The following P2RY2 variants were observed in gnomAD, a reference collection of about 807,000 sequenced individuals.
P2RY2 encodes purinergic receptor P2Y2, also known as P2Y purinoceptor 2.
For missense variants in P2RY2, 567 were observed against 515.7 expected (o/e 1.10, Z -0.96); for synonymous variants, 241 against 231.9 (o/e 1.04, Z -0.35).
chr11:73,223,666 G>A (rs994393347), intron 1 of P2RY2, among the ~76,000 whole-genome samples: 7 of 152,172 alleles, frequency 4.6e-5, no homozygotes, highest in Non-Finnish European at 8.8e-5. Context: ...CTGAACTCAC[G>A]GTTCTTGCCT....
At position 73,223,728 on chromosome 11, in the gene P2RY2, T is replaced by C. The variant is rs187285478; in HGVS notation, c.-199-4253T>C. The stretch of plus-strand genomic sequence containing the variant: ...ATAGGTTGGGGTGGTGTCCAGGACG[T>C]TGTGGTTCTGAGCCTGTTTAATTTA... On this transcript the variant is annotated intron_variant, in intron 1 of 2. Coordinates refer to ENST00000393597, the MANE Select transcript of P2RY2 (RefSeq NM_002564.4). Among the ~76,000 whole-genome samples the C allele has an allele frequency of 1.8e-3, 269 of 152,272 alleles. 2 individuals are homozygous for C. The highest frequency in any genetic ancestry group is 2.3e-3 in the Non-Finnish European group (156 of 68,016).
intron 2 of P2RY2, among the ~76,000 whole-genome samples, chr11:73,229,408 T>G (rs945099650): frequency 2.6e-5 from 4 of 151,710 alleles, no homozygotes; most frequent in African/African-American, 9.7e-5. Context: ...CGTTGGATAG[T>G]CAGGTGGAGC....
rs1204597963 is a variant in P2RY2 at position 73,228,128 on chromosome 11, C to G, written c.-52C>G. On this transcript the variant is annotated 5_prime_UTR_variant, in exon 2 of 3. Transcript: ENST00000393597. ...GGCGTGTGCATTCATGAGTGAGGAA[C>G]CCGTGCAGGCGCTGAGCATCCTGAC... The G allele has an allele frequency of 6.8e-6, 1 of 147,904 alleles. No homozygotes were observed. The highest frequency in any genetic ancestry group is 1.5e-5 in the Non-Finnish European group (1 of 67,546). 9.2% of individuals were successfully genotyped at this position (147,904 alleles called of 1,614,324 possible).
In P2RY2 at chr11:73,226,184, G is replaced by A. The variant is rs1036285396; in HGVS notation, c.-199-1797G>A. Among the ~76,000 whole-genome samples, 9 of 152,292 alleles carry A rather than the reference G, an allele frequency of 5.9e-5. No homozygotes were observed. The East Asian group carries it at 1.7e-3, about 29-fold the overall frequency. On this transcript the variant is annotated intron_variant, in intron 1 of 2. Transcript: ENST00000393597. ...GTGAGTGGTGGGCTTCCAGCAGGGT[G>A]GGGAAGAGGGAGGTTGTCCAGGCTG...
At position 73,239,390 on chromosome 11, in the gene P2RY2, G is replaced by T. The variant is rs1862726904; in HGVS notation, c.*4097G>T. ...GGGCCTGTGCTGTTTACAGAACCTT[G>T]TCCAGGTGCCCAGCTGTGGGAGGGC... On this transcript the variant is annotated 3_prime_UTR_variant, in exon 3 of 3. Coordinates refer to ENST00000393597, the MANE Select transcript of P2RY2 (RefSeq NM_002564.4). The T allele has an allele frequency of 6.6e-6, 1 of 152,390 alleles. No homozygotes were observed. Among genetic ancestry groups the T allele is most frequent in the Non-Finnish European group, 1.5e-5 (1 of 68,150 alleles). 9.4% of individuals were successfully genotyped at this position (152,390 alleles called of 1,614,324 possible).
chr11:73,223,514 C>A (rs1446332561), intron 1 of P2RY2, among the ~76,000 whole-genome samples: 1 of 152,184 alleles, frequency 6.6e-6, no homozygotes, highest in Non-Finnish European at 1.5e-5. Context: ...AAGGTGCACC[C>A]ACCTGCCCCC....
rs1862700738 is a variant in P2RY2, at chr11:73,238,243, G to T, written c.*2950G>T. Among the ~76,000 whole-genome samples, 1 of 152,230 alleles carries T rather than the reference G, an allele frequency of 6.6e-6. No individual in the cohort carries two copies. Among genetic ancestry groups the T allele is most frequent in the Non-Finnish European group, 1.5e-5 (1 of 68,042 alleles). On this transcript the variant is annotated 3_prime_UTR_variant, in exon 3 of 3. Coordinates refer to ENST00000393597, the MANE Select transcript of P2RY2 (RefSeq NM_002564.4). ...GACCTGAGGCCAGGGACAGGACAGGGATGGGAGGAAAGGGAGGGTAGAGAG... is the reference window on the plus strand; with the variant it reads ...GACCTGAGGCCAGGGACAGGACAGGTATGGGAGGAAAGGGAGGGTAGAGAG...
rs557801308 is a variant in P2RY2, at chr11:73,220,737, G to A, written c.-200+2305G>A. Among the ~76,000 whole-genome samples, 111 of 152,284 alleles carry A rather than the reference G, an allele frequency of 7.3e-4. 2 individuals carry two copies. The South Asian group carries it at 0.023, about 31-fold the overall frequency. ...TTGGAGTCTGGTCAGAGGGGTTGGG[G>A]ATCCCAGTGGGCAACCCTCAGAAAT... On this transcript the variant is annotated intron_variant, in intron 1 of 2. Coordinates refer to ENST00000393597, the MANE Select transcript of P2RY2 (RefSeq NM_002564.4).
Position 73,235,827 on chromosome 11 carries a change from A to G in P2RY2, c.*534A>G, listed in dbSNP as rs1490309718. 2.0e-6 allele frequency: 2 copies of G among 1,000,776 alleles called. No homozygotes were observed. The highest frequency in any genetic ancestry group is 2.3e-4 in the East Asian group (2 of 8,838). 62.0% of individuals were successfully genotyped at this position (1,000,776 alleles called of 1,614,324 possible). ...TAGCTCTGAGGAGTACCCCCAGCCC[A>G]AGAGATGAACATCTGGGGACTAATA... On this transcript the variant is annotated 3_prime_UTR_variant, in exon 3 of 3. Coordinates refer to ENST00000393597, the MANE Select transcript of P2RY2 (RefSeq NM_002564.4).
chr11:73,234,300 G>C lies in P2RY2; in HGVS notation c.141G>C (p.Gly47=). 1 of 1,613,792 alleles carries C rather than the reference G, an allele frequency of 6.2e-7. No individual in the cohort carries two copies. Among genetic ancestry groups the C allele is most frequent in the Non-Finnish European group, 8.5e-7 (1 of 1,179,772 alleles). ...CCTACGGCGTGGTGTGCGTGCCTGGGCTGTGTCTGAACGCCGTGGCGCTCT... is the reference window on the plus strand; with the variant it reads ...CCTACGGCGTGGTGTGCGTGCCTGGCCTGTGTCTGAACGCCGTGGCGCTCT... ...PVSYGVVCVP[G]LCLNAVALYI... Residue 47 remains glycine (G), a synonymous_variant, in exon 3 of 3, where the codon GGG becomes GGC. Coordinates refer to ENST00000393597, the MANE Select transcript of P2RY2 (RefSeq NM_002564.4).
rs529865094 is a variant in P2RY2, at chr11:73,236,423, G to C, written c.*1130G>C. On this transcript the variant is annotated 3_prime_UTR_variant, in exon 3 of 3. Transcript: ENST00000393597. ...CTCTAGCACACCACTGGATAATGCC[G>C]AGTGGCTGGGGCTGTGAGCCAGGGG... is the stretch of plus-strand genomic sequence containing the variant. 2.4e-5 allele frequency: 11 copies of C among 455,386 alleles called. No individual in the cohort carries two copies. The South Asian group carries it at 8.3e-4, about 35-fold the overall frequency. 28.2% of individuals were successfully genotyped at this position (455,386 alleles called of 1,614,324 possible).
Position 73,234,994 on chromosome 11 carries a change from C to T in P2RY2, c.835C>T (p.His279Tyr), listed in dbSNP as rs1389860140. ...CTTCCGCTCGCTGGACCTCAGCTGC[C>T]ACACCCTCAACGCCATCAACATGGC... The part of the protein sequence containing the change: ...YSFRSLDLSC[H>Y]TLNAINMAYK... The change falls in exon 3 of 3, where the codon CAC (histidine) becomes TAC (tyrosine). Residue 279 changes from histidine (H) to tyrosine (Y), a missense_variant. Transcript: ENST00000393597. The T allele has an allele frequency of 6.2e-7, 1 of 1,609,494 alleles. No homozygotes were observed. The highest frequency in any genetic ancestry group is 1.6e-4 in the Middle Eastern group (1 of 6,062).
intron 2 of P2RY2, among the ~76,000 whole-genome samples, chr11:73,231,572 A>G (rs1862460290): frequency 6.6e-6 from 1 of 151,704 alleles, no homozygotes; most frequent in African/African-American, 2.4e-5. Context: ...GAAAAAAAAA[A>G]AAGAAAGAAA....
In P2RY2 at chr11:73,235,060, C is replaced by T. The variant is rs1862598929; in HGVS notation, c.901C>T (p.Leu301Phe). The T allele has an allele frequency of 4.4e-6, 7 of 1,608,208 alleles. No homozygotes were observed. Among genetic ancestry groups the T allele is most frequent in the Non-Finnish European group, 5.9e-6 (7 of 1,179,880 alleles). The change falls in exon 3 of 3, where the codon CTT (leucine) becomes TTT (phenylalanine). Residue 301 changes from leucine (L) to phenylalanine (F), a missense_variant. By Grantham distance (22) the Leu-to-Phe change is conservative (BLOSUM62 0). Transcript: ENST00000393597. Reference sequence around the variant, plus strand: ...GCCGCTGGCCAGTGCTAACAGTTGCCTTGACCCCGTGCTCTACTTCCTGGC... The same window carrying T: ...GCCGCTGGCCAGTGCTAACAGTTGCTTTGACCCCGTGCTCTACTTCCTGGC... ...TRPLASANSC[L>F]DPVLYFLAGQ...
At chr11:73,229,937 G>T (rs1862401102) in intron 2 of P2RY2, among the ~76,000 whole-genome samples, 1 of 151,996 alleles carries the variant, frequency 6.6e-6, no homozygotes, top group South Asian at 2.1e-4. Context: ...GATATTTTGG[G>T]GCTGCAGTTC....
chr11:73,223,558 A>C (rs900261958), intron 1 of P2RY2, among the ~76,000 whole-genome samples: 2 of 152,206 alleles, frequency 1.3e-5, no homozygotes, highest in Non-Finnish European at 2.9e-5. Flanking sequence ...CCCATGCAGC[A>C]GTGATTCTCC....
rs1287685922 is a variant in P2RY2 at position 73,234,180 on chromosome 11, C to A, written c.21C>A (p.Pro7=). MAADLG[P]WNDTINGTWD... ...GGGCGATGGCAGCAGACCTGGGCCC[C>A]TGGAATGACACCATCAATGGCACCT... is the stretch of plus-strand genomic sequence containing the variant. Residue 7 remains proline (P), a synonymous_variant, in exon 3 of 3, where the codon CCC becomes CCA. Coordinates refer to ENST00000393597, the MANE Select transcript of P2RY2 (RefSeq NM_002564.4). 6.2e-7 allele frequency: 1 copy of A among 1,612,044 alleles called. No homozygotes were observed. The highest frequency in any genetic ancestry group is 1.7e-5 in the Admixed American group (1 of 59,940).
In P2RY2 at chr11:73,236,958, C is replaced by T. The variant is rs1862669194; in HGVS notation, c.*1665C>T. ...CTCTTGATCTCAAGGACAGGGACTC[C>T]CTCCTCTCCCTCTGGGAGAGCCCTC... On this transcript the variant is annotated 3_prime_UTR_variant, in exon 3 of 3. Transcript: ENST00000393597. The T allele has an allele frequency of 3.0e-6, 3 of 985,178 alleles. No homozygotes were observed. The highest frequency in any genetic ancestry group is 1.7e-5 in the African/African-American group (1 of 57,208). 61.0% of individuals were successfully genotyped at this position (985,178 alleles called of 1,614,324 possible).
chr11:73,220,190 A>G (rs942131224), intron 1 of P2RY2, among the ~76,000 whole-genome samples: 1 of 152,234 alleles, frequency 6.6e-6, no homozygotes, highest in Non-Finnish European at 1.5e-5. Flanking sequence ...GAATCTGGTT[A>G]TCAAAGTGGG....
Sources: allele counts gnomAD v4.1 joint callset (sites outside exome capture counted in the v4.1 genomes callset), GRCh38; gene constraint gnomAD v4.1.1; transcripts MANE v1.5; gene names NCBI Gene and HGNC (gene_info 2026-07-23, HGNC 2026-07-21).